The following FLT3 variants were observed in gnomAD, a reference collection of about 807,000 sequenced individuals.
The protein encoded by FLT3 is fms related receptor tyrosine kinase 3.
FLT3 carries 46 observed loss-of-function variants against 126.6 expected under a neutral mutation model. That is an observed-to-expected ratio of 0.36 (90% confidence interval 0.29 to 0.46). The LOEUF is 0.46. FLT3 is among the 20% of genes least tolerant of loss of function. The pLI, the probability that FLT3 is intolerant of heterozygous loss-of-function variation, is 1.00. For synonymous variants in FLT3, 404 were observed against 434.4 expected (o/e 0.93, Z 0.87); for missense variants, 1,069 against 1,190.3 (o/e 0.90, Z 1.50).
chr13:28,070,683 C>T (rs1356315154), intron 1 of FLT3, 71 bp from the exon 2 acceptor site: 5 of 1,204,950 alleles, frequency 4.1e-6, no homozygotes, highest in African/African-American at 1.5e-5. Context: ...ATTTATCTTG[C>T]AACCAAACAA....
At chr13:28,058,410 G>A (rs113088377) in intron 3 of FLT3, among the ~76,000 whole-genome samples, 3,165 of 151,664 alleles carry the variant, frequency 0.021, 94 homozygotes, top group African/African-American at 0.071. Context: ...TACTCAGGAG[G>A]CTGAGGCAGG....
At chr13:28,039,722 T>C (rs922760231) in intron 9 of FLT3, among the ~76,000 whole-genome samples, 2 of 152,016 alleles carry the variant, frequency 1.3e-5, no homozygotes, top group African/African-American at 4.8e-5. Flanking sequence ...CTAATTTTTA[T>C]ATTTTTCATA....
At chr13:28,070,468 G>A (rs1877403530) in intron 2 of FLT3, 23 bp downstream of exon 2, 1 of 1,596,874 alleles carries the variant, frequency 6.3e-7, no homozygotes, top group Non-Finnish European at 8.6e-7. Context: ...ACAGCTAAAG[G>A]TATAATTTTA....
At chr13:28,055,949 G>C (rs956878216) in intron 4 of FLT3, among the ~76,000 whole-genome samples, 1 of 152,098 alleles carries the variant, frequency 6.6e-6, no homozygotes, top group Admixed American at 6.6e-5. Flanking sequence ...GGTGATTCTC[G>C]GCTTTGGAGC....
At chr13:28,006,434 C>G (rs1456126987) in intron 23 of FLT3, among the ~76,000 whole-genome samples, 1 of 151,950 alleles carries the variant, frequency 6.6e-6, no homozygotes, top group Non-Finnish European at 1.5e-5. Flanking sequence ...ACTACTCATG[C>G]GTGCCTTTTG....
rs1007686042 is a variant in FLT3, at chr13:28,033,792, C to T, written c.1942+95G>A. ...AGCCTTGAAACATGGCAAACAGTAA[C>T]CATTAAAAGGATGGAAAAGAGAAGA... is the stretch of plus-strand genomic sequence containing the variant. On this transcript the variant is annotated intron_variant, in intron 15 of 23. Transcript: ENST00000241453. 13 of 949,264 alleles carry T rather than the reference C, an allele frequency of 1.4e-5. No homozygotes were observed. In the Admixed American group the frequency reaches 1.6e-4, roughly 12 times the overall value. 58.8% of individuals were successfully genotyped at this position (949,264 alleles called of 1,614,324 possible).
chr13:28,057,730 G>A lies in FLT3; in HGVS notation c.369-268C>T, dbSNP rs567190080. Among the ~76,000 whole-genome samples, 49 of 152,148 alleles carry A rather than the reference G, an allele frequency of 3.2e-4. No individual in the cohort carries two copies. In the East Asian group the frequency reaches 4.6e-3, roughly 14 times the overall value. ...TCACCTTCTCTGAGCTTCTAGGATC[G>A]AAAACTCCCATCTAAAAACACACAG... On this transcript the variant is annotated intron_variant, in intron 3 of 23. Coordinates refer to ENST00000241453, the MANE Select transcript of FLT3 (RefSeq NM_004119.3).
At chr13:28,024,816 A>T in intron 18 of FLT3, 45 bp downstream of exon 18, 1 of 1,239,502 alleles carries the variant, frequency 8.1e-7, no homozygotes, top group Non-Finnish European at 1.2e-6. Flanking sequence ...AAACTTTTGC[A>T]TTCATTTCCA....
rs1413681362 is a variant in FLT3 at position 28,070,581 on chromosome 13, A to G, written c.75T>C (p.Ile25=). 6.2e-7 allele frequency: 1 copy of G among 1,602,150 alleles called. No homozygotes were observed. Among genetic ancestry groups the G allele is most frequent in the Non-Finnish European group, 8.5e-7 (1 of 1,170,094 alleles). ...TGATCACAGGCAGATCTTGATTTGT[A>G]ATAGTCCCAAATATCATTGCAGAAA... ...VVFSAMIFGT[I]TNQDLPVIKC... Residue 25 remains isoleucine, a synonymous_variant, in exon 2 of 24, where the codon ATT becomes ATC. Transcript: ENST00000241453.
rs560909342 is a variant in FLT3 at position 28,085,779 on chromosome 13, T to C, written c.43+14689A>G. On this transcript the variant is annotated intron_variant, in intron 1 of 23. Transcript: ENST00000241453. ...TTGATTAGTGTTAGAATGGGATTTT[T>C]TTCCCCATCCATTTACTTTTAACCT... Among the ~76,000 whole-genome samples, 19 of 152,172 alleles carry C rather than the reference T, an allele frequency of 1.2e-4. No individual in the cohort carries two copies. In the South Asian group the frequency reaches 3.9e-3, roughly 32 times the overall value.
At chr13:28,042,894 A>T (rs1253018779) in intron 9 of FLT3, among the ~76,000 whole-genome samples, 19 of 148,372 alleles carry the variant, frequency 1.3e-4, no homozygotes, top group Admixed American at 1.2e-3. Context: ...AAAAAAAACA[A>T]CTCCTCTCCC....
chr13:28,037,208 T>G lies in FLT3; in HGVS notation c.1286A>C (p.Lys429Thr), dbSNP rs931273270. The change falls in exon 10 of 24, where the codon AAA (lysine) becomes ACA (threonine). Residue 429 changes from lysine to threonine, a missense_variant. Coordinates refer to ENST00000241453, the MANE Select transcript of FLT3 (RefSeq NM_004119.3). ...ACTTCTTATATTCAGCGTGAACATT[T>G]TGGTAAATTGGGCATCATCATTTTC... ...HAENDDAQFT[K>T]MFTLNIRRKP... 1 of 1,599,468 alleles carries G rather than the reference T, an allele frequency of 6.3e-7. No homozygotes were observed. The highest frequency in any genetic ancestry group is 1.3e-5 in the African/African-American group (1 of 74,642).
Position 28,018,699 on chromosome 13 carries a change from T to C in FLT3, c.2419-110A>G. ...GGAGGTACCGGTGATGGAAGGCCTC[T>C]TATCTTTACTGGGCTGTGCCGTGAG... is the stretch of plus-strand genomic sequence containing the variant. On this transcript the variant is annotated intron_variant, in intron 19 of 23. Transcript: ENST00000241453. 3 of 1,144,658 alleles carry C rather than the reference T, an allele frequency of 2.6e-6. No individual in the cohort carries two copies. In the East Asian group the frequency reaches 7.1e-5, roughly 27 times the overall value. The allele number at this position is 1,144,658 out of a possible 1,614,324, so 70.9% of individuals were successfully genotyped here.
intron 22 of FLT3, 119 bp downstream of exon 22, chr13:28,015,038 A>T (rs1018870380): frequency 8.9e-5 from 57 of 640,758 alleles, no homozygotes; most frequent in Middle Eastern, 8.6e-4. Flanking sequence ...TCTATTTTTT[A>T]AAAAAAGAAT....
chr13:28,063,010 T>G (rs1876705718), intron 2 of FLT3, among the ~76,000 whole-genome samples: 1 of 152,158 alleles, frequency 6.6e-6, no homozygotes, highest in Non-Finnish European at 1.5e-5. Context: ...CAGACCGTAA[T>G]TATAAAATCT....
At chr13:28,038,525 T>A (rs1295030927) in intron 9 of FLT3, among the ~76,000 whole-genome samples, 1 of 150,154 alleles carries the variant, frequency 6.7e-6, no homozygotes, top group Non-Finnish European at 1.5e-5. Flanking sequence ...CTATCTCGGC[T>A]CACTGCAAGC....
chr13:28,043,595 T>G (rs961461065), intron 9 of FLT3, among the ~76,000 whole-genome samples: 1 of 152,228 alleles, frequency 6.6e-6, no homozygotes, highest in Non-Finnish European at 1.5e-5. Flanking sequence ...CCAAATTCGG[T>G]TCAATTAAAT....
At chr13:28,074,800 C>G (rs1566099744) in intron 1 of FLT3, among the ~76,000 whole-genome samples, 1 of 152,072 alleles carries the variant, frequency 6.6e-6, no homozygotes, top group Non-Finnish European at 1.5e-5. Flanking sequence ...ACCACCATAC[C>G]TGGCTAATTT....
intron 1 of FLT3, among the ~76,000 whole-genome samples, chr13:28,077,296 GA>G (rs201902054): frequency 0.023 from 3,560 of 152,162 alleles, 144 homozygotes; most frequent in African/African-American, 0.078. Flanking sequence ...AGACTGGGAA[GA>G]AAAAGAGGTT....
Sources: allele counts gnomAD v4.1 joint callset (sites outside exome capture counted in the v4.1 genomes callset), GRCh38; gene constraint gnomAD v4.1.1; transcripts MANE v1.5; gene names NCBI Gene and HGNC (gene_info 2026-07-23, HGNC 2026-07-21).